The following SEMA5A variants were observed in gnomAD, a reference collection of about 807,000 sequenced individuals.
SEMA5A encodes semaphorin-5A.
A neutral mutation model predicts 135.5 loss-of-function variants in SEMA5A; 55 were observed. That is an observed-to-expected ratio of 0.41 (90% CI 0.33 to 0.51). SEMA5A has a LOEUF of 0.51. SEMA5A is among the 20% of genes least tolerant of loss of function. The probability of loss-of-function intolerance (pLI) is 0.37; values close to 1 mark genes in which losing one functional copy is unlikely to be tolerated. For synonymous variants in SEMA5A, 580 were observed against 546.5 expected (o/e 1.06, Z -0.85); for missense variants, 1,290 against 1,419.9 (o/e 0.91, Z 1.47).
At chr5:9,308,644 A>C (rs1366477596) in intron 5 of SEMA5A, among the ~76,000 whole-genome samples, 1 of 152,148 alleles carries the variant, frequency 6.6e-6, no homozygotes, top group Non-Finnish European at 1.5e-5. Context: ...TGTAAGCCAG[A>C]TGTCAACTAT....
At chr5:9,519,203 C>A (rs1449392729) in intron 1 of SEMA5A, among the ~76,000 whole-genome samples, 1 of 152,160 alleles carries the variant, frequency 6.6e-6, no homozygotes, top group East Asian at 1.9e-4. Flanking sequence ...TTTGCAGAGC[C>A]ATCCTGGTTG....
intron 1 of SEMA5A, among the ~76,000 whole-genome samples, chr5:9,481,178 C>T (rs1032200553): frequency 7.9e-5 from 12 of 152,130 alleles, no homozygotes; most frequent in Admixed American, 3.9e-4. Flanking sequence ...AACTCCTGAC[C>T]TGAAGTGATC....
chr5:9,244,426 GC>G (rs1378259943), intron 5 of SEMA5A, among the ~76,000 whole-genome samples: 4 of 152,102 alleles, frequency 2.6e-5, no homozygotes, highest in Non-Finnish European at 5.9e-5. Context: ...GGACTTACTG[GC>G]CCCACTACCT....
intron 16 of SEMA5A, among the ~76,000 whole-genome samples, chr5:9,081,047 G>C (rs936422710): frequency 6.6e-6 from 1 of 152,210 alleles, no homozygotes; most frequent in African/African-American, 2.4e-5. Flanking sequence ...TTTGAAGAAG[G>C]AAGTTGCCTT....
chr5:9,530,730 C>G (rs1187166856), intron 1 of SEMA5A, among the ~76,000 whole-genome samples: 2 of 152,104 alleles, frequency 1.3e-5, no homozygotes, highest in Admixed American at 1.3e-4. Context: ...CTATAGTGGG[C>G]AGTAGAAGCG....
At chr5:9,154,065 ATATATATAT>A in intron 12 of SEMA5A, among the ~76,000 whole-genome samples, 1 of 47,000 alleles carries the variant, frequency 2.1e-5, no homozygotes, top group Non-Finnish European at 5.8e-5. Flanking sequence ...AAAAAAAAAT[ATATATATAT>A]ATATATATAT....
At chr5:9,333,812 A>C (rs1284490372) in intron 4 of SEMA5A, among the ~76,000 whole-genome samples, 1 of 152,218 alleles carries the variant, frequency 6.6e-6, no homozygotes, top group Non-Finnish European at 1.5e-5. Flanking sequence ...ATTATCTCTG[A>C]AATTGTTTTT....
intron 2 of SEMA5A, among the ~76,000 whole-genome samples, chr5:9,412,021 T>G (rs1448659215): frequency 2.0e-5 from 3 of 152,168 alleles, no homozygotes; most frequent in Non-Finnish European, 2.9e-5. Context: ...CCATCATGAT[T>G]ATAAAATATC....
chr5:9,100,134 C>T (rs1329782740), intron 16 of SEMA5A, among the ~76,000 whole-genome samples: 1 of 152,232 alleles, frequency 6.6e-6, no homozygotes, highest in African/African-American at 2.4e-5. Flanking sequence ...GGGAAGTTCT[C>T]ACCAGTCCAT....
At chr5:9,047,876 G>GTAT (rs1462341470) in intron 21 of SEMA5A, among the ~76,000 whole-genome samples, 5 of 152,190 alleles carry the variant, frequency 3.3e-5, no homozygotes, top group Non-Finnish European at 5.9e-5. Context: ...CACAGGAGTA[G>GTAT]TATTTTAGGG....
At chr5:9,446,403 T>G (rs1440002131) in intron 1 of SEMA5A, among the ~76,000 whole-genome samples, 1 of 152,144 alleles carries the variant, frequency 6.6e-6, no homozygotes, top group South Asian at 2.1e-4. Context: ...ATGAGCAATT[T>G]CTGTTATGCG....
chr5:9,471,123 C>T (rs1389125889), intron 1 of SEMA5A, among the ~76,000 whole-genome samples: 2 of 152,132 alleles, frequency 1.3e-5, no homozygotes, highest in African/African-American at 4.8e-5. Flanking sequence ...AAGGTCAGGG[C>T]TCACTGACAT....
intron 12 of SEMA5A, among the ~76,000 whole-genome samples, chr5:9,149,504 C>T (rs563227925): frequency 4.9e-4 from 75 of 152,208 alleles, no homozygotes; most frequent in Non-Finnish European, 9.4e-4. Flanking sequence ...CTTAGCCAGA[C>T]CTGGTGGCGC....
intron 11 of SEMA5A, among the ~76,000 whole-genome samples, chr5:9,161,891 G>A (rs139478294): frequency 1.1e-3 from 160 of 152,302 alleles, no homozygotes; most frequent in Non-Finnish European, 2.0e-3. Context: ...AAGGTGAAGT[G>A]ACAGCTCACA....
intron 5 of SEMA5A, among the ~76,000 whole-genome samples, chr5:9,270,266 C>A (rs1749902561): frequency 6.6e-6 from 1 of 152,062 alleles, no homozygotes; most frequent in Non-Finnish European, 1.5e-5. Flanking sequence ...CTTGGAAGAT[C>A]ACACCTTGTT....
chr5:9,156,770 G>A lies in SEMA5A; in HGVS notation c.1274-2075C>T, dbSNP rs541708237. Among the ~76,000 whole-genome samples, 3 of 152,318 alleles carry A rather than the reference G, an allele frequency of 2.0e-5. No individual in the cohort carries two copies. The South Asian group carries it at 6.2e-4, about 32-fold the overall frequency. On this transcript the variant is annotated intron_variant, in intron 11 of 22. Transcript: ENST00000382496. Reference sequence around the variant, plus strand: ...ATAGCCTATCTGAGAATTTAACAAAGACTCATTGCTGTTTATTATTTATTT... The same window carrying A: ...ATAGCCTATCTGAGAATTTAACAAAAACTCATTGCTGTTTATTATTTATTT...
At chr5:9,129,362 C>T (rs575584535) in intron 13 of SEMA5A, among the ~76,000 whole-genome samples, 1 of 152,310 alleles carries the variant, frequency 6.6e-6, no homozygotes, top group South Asian at 2.1e-4. Flanking sequence ...TTAAGGGCAG[C>T]GTTTTCAATC....
Position 9,040,849 on chromosome 5 carries a change from A to G in SEMA5A, c.*2048T>C, listed in dbSNP as rs1044652723. 6.6e-6 allele frequency: 1 copy of G among 152,224 alleles called. No individual in the cohort carries two copies. Among genetic ancestry groups the G allele is most frequent in the Admixed American group, 6.5e-5 (1 of 15,286 alleles). 9.4% of individuals were successfully genotyped at this position (152,224 alleles called of 1,614,324 possible). A position where few individuals can be genotyped will look rare whatever the true frequency, so the allele number is the denominator to read the frequency against. ...TTAAGCTTACAAACTATTAGGGAAG[A>G]AGACTCAAAAATAACTAAAATGTGC... On this transcript the variant is annotated 3_prime_UTR_variant, in exon 23 of 23. Transcript: ENST00000382496.
chr5:9,276,317 A>G (rs915745010), intron 5 of SEMA5A, among the ~76,000 whole-genome samples: 2 of 152,238 alleles, frequency 1.3e-5, no homozygotes, highest in African/African-American at 4.8e-5. Flanking sequence ...AGAGGACACA[A>G]ACAAATGGAA....
Sources: allele counts gnomAD v4.1 joint callset (sites outside exome capture counted in the v4.1 genomes callset), GRCh38; gene constraint gnomAD v4.1.1; transcripts MANE v1.5; gene names NCBI Gene and HGNC (gene_info 2026-07-23, HGNC 2026-07-21).